Variants in SAMD5 observed in about 807,000 individuals in gnomAD.
SAMD5 encodes the protein sterile alpha motif domain containing 5.
Under a neutral mutation model 11.3 loss-of-function variants are expected in SAMD5, and 13 were observed. The ratio of observed to expected loss-of-function variants is 1.15; its 90% CI spans 0.75 to 1.83. The LOEUF (loss-of-function observed/expected upper bound fraction) is 1.83. Ranked by LOEUF, SAMD5 falls within the 40% of genes most tolerant of loss-of-function variation. The pLI, the probability that SAMD5 is intolerant of heterozygous loss-of-function variation, is 0.00. For missense variants in SAMD5, 255 were observed against 239.1 expected, an observed-to-expected ratio of 1.07 and a Z score of -0.44; for synonymous variants, 129 against 111.3, an observed-to-expected ratio of 1.16 and a Z score of -1.00.
At chr6:147,657,018 C>T (rs148626245) in intron 1 of SAMD5, among the ~76,000 whole-genome samples, 4 of 151,380 alleles carry the variant, frequency 2.6e-5, no homozygotes, top group East Asian at 1.9e-4. Flanking sequence ...GCATAGAGAC[C>T]GGTTGTATAA....
chr6:147,803,241 T>C, the SAMD5 span, among the ~76,000 whole-genome samples: 1 of 151,906 alleles, frequency 6.6e-6, no homozygotes, highest in Non-Finnish European at 1.5e-5. Flanking sequence ...TATATGTTTC[T>C]TCGTTGATTC....
the SAMD5 span, among the ~76,000 whole-genome samples, chr6:147,866,964 T>A: frequency 2.6e-4 from 40 of 152,304 alleles, 1 homozygote; most frequent in African/African-American, 9.1e-4. Context: ...TATTTTCCAG[T>A]GTGAGAAAGT....
At chr6:147,672,358 T>C (rs910215566) in intron 1 of SAMD5, among the ~76,000 whole-genome samples, 19 of 152,186 alleles carry the variant, frequency 1.2e-4, no homozygotes, top group African/African-American at 4.6e-4. Flanking sequence ...AATGTTAAAG[T>C]ATATATTGTG....
chr6:147,730,317 A>G, intron 1 of SAMD5: 1 of 304,178 alleles, frequency 3.3e-6, no homozygotes, highest in Non-Finnish European at 6.5e-6. Context: ...CAGACTAAAG[A>G]GGGACAAGGA....
Position 147,663,674 on chromosome 6 carries a change from C to A in SAMD5, c.163-73643C>A, listed in dbSNP as rs564705371. Among the ~76,000 whole-genome samples the A allele has an allele frequency of 6.1e-3, 922 of 151,450 alleles. 7 individuals are homozygous for A. The highest frequency in any genetic ancestry group is 9.5e-3 in the Non-Finnish European group (644 of 67,844). ...AGGTGTGGTGGTGCACGCCTGTAAT[C>A]CCGGCTACTCAGGAGGCTGAGGCAG... On this transcript the variant is annotated intron_variant, in intron 1 of 1. Coordinates refer to the SAMD5 transcript ENST00000566741.
chr6:147,746,145 G>C, the SAMD5 span, among the ~76,000 whole-genome samples: 1 of 152,294 alleles, frequency 6.6e-6, no homozygotes, highest in South Asian at 2.1e-4. Context: ...TGAAGACAGA[G>C]ACCCTTGAAG....
chr6:147,815,367 C>T, the SAMD5 span, among the ~76,000 whole-genome samples: 2 of 152,202 alleles, frequency 1.3e-5, no homozygotes, highest in African/African-American at 4.8e-5. Flanking sequence ...TAGTATAACC[C>T]TTTAAAGACT....
chr6:147,888,954 A>G, the SAMD5 span, among the ~76,000 whole-genome samples: 1 of 151,662 alleles, frequency 6.6e-6, no homozygotes, highest in African/African-American at 2.4e-5. Context: ...ATGCCTTAGT[A>G]TAGTTTTCTT....
At chr6:147,516,644 G>T (rs609963) in intron 1 of SAMD5, among the ~76,000 whole-genome samples, 2 of 151,952 alleles carry the variant, frequency 1.3e-5, no homozygotes, top group Non-Finnish European at 2.9e-5. Context: ...TGCTGTCAGG[G>T]TCTTTCACAA....
At chr6:147,851,144 A>G in the SAMD5 span, among the ~76,000 whole-genome samples, 1,161 of 151,904 alleles carry the variant, frequency 7.6e-3, 5 homozygotes, top group Non-Finnish European at 0.013. Context: ...GGGTTTCGCC[A>G]TGTTGGCCAG....
At chr6:147,749,850 G>T in the SAMD5 span, among the ~76,000 whole-genome samples, 1 of 152,270 alleles carries the variant, frequency 6.6e-6, no homozygotes, top group African/African-American at 2.4e-5. Flanking sequence ...ATGCGCATGC[G>T]AGTGTGGTTC....
downstream of SAMD5, chr6:147,570,065 T>C (rs1329980718): frequency 1.8e-5 from 17 of 953,024 alleles, no homozygotes; most frequent in Non-Finnish European, 2.1e-5. Flanking sequence ...TCTTGATGAA[T>C]GTGATGGAGT....
chr6:147,634,049 C>T lies in SAMD5; in HGVS notation c.163-103268C>T, dbSNP rs189059225. Among the ~76,000 whole-genome samples the T allele has an allele frequency of 6.8e-4, 103 of 152,208 alleles. 1 individual carries two copies. The highest frequency in any genetic ancestry group is 2.3e-3 in the African/African-American group (94 of 41,532). On this transcript the variant is annotated intron_variant, in intron 1 of 1. Coordinates refer to the SAMD5 transcript ENST00000566741. The stretch of plus-strand genomic sequence containing the variant: ...TTTCTGCTTCTATAAATTTGCCTAC[C>T]ATGGACATTTAATATAAATGAAATC...
intron 1 of SAMD5, among the ~76,000 whole-genome samples, chr6:147,676,775 G>A (rs529355695): frequency 9.7e-5 from 14 of 143,690 alleles, no homozygotes; most frequent in African/African-American, 3.0e-4. Context: ...CAGCTTTCCA[G>A]TAGAGAGATT....
At chr6:147,509,565 G>C (rs75514145) in intron 1 of SAMD5, among the ~76,000 whole-genome samples, 178 bp downstream of exon 1, 8,470 of 152,024 alleles carry the variant, frequency 0.056, 302 homozygotes, top group Admixed American at 0.088. Flanking sequence ...GTCCTTCCTG[G>C]TGTCTCCAGT....
At chr6:147,867,715 G>A in the SAMD5 span, among the ~76,000 whole-genome samples, 1 of 152,108 alleles carries the variant, frequency 6.6e-6, no homozygotes, top group African/African-American at 2.4e-5. Flanking sequence ...AAGGAGGATT[G>A]GTCCTTCTAG....
the SAMD5 span, among the ~76,000 whole-genome samples, chr6:147,789,243 G>C: frequency 1.3e-3 from 195 of 151,286 alleles, no homozygotes; most frequent in Non-Finnish European, 8.4e-4. Context: ...CTGAACTGCA[G>C]CCTGGACGAT....
chr6:147,801,230 T>G, the SAMD5 span, among the ~76,000 whole-genome samples: 34 of 152,194 alleles, frequency 2.2e-4, no homozygotes, highest in Non-Finnish European at 4.7e-4. Flanking sequence ...ATGGTTTTAC[T>G]TTATGGAATC....
chr6:147,786,108 A>G, the SAMD5 span, among the ~76,000 whole-genome samples: 5 of 152,304 alleles, frequency 3.3e-5, no homozygotes, highest in Admixed American at 3.3e-4. Context: ...GGAAACTAAG[A>G]CTTTTGAGTT....
Sources: allele counts gnomAD v4.1 joint callset (sites outside exome capture counted in the v4.1 genomes callset), GRCh38; gene constraint gnomAD v4.1.1; transcripts MANE v1.5; gene names NCBI Gene and HGNC (gene_info 2026-07-23, HGNC 2026-07-21).